The following OSBPL11 variants were observed in gnomAD, a reference collection of about 807,000 sequenced individuals.
OSBPL11 encodes oxysterol binding protein like 11.
Under a neutral mutation model 84.4 loss-of-function variants are expected in OSBPL11, and 33 were observed. That is an observed-to-expected ratio of 0.39 (90% confidence interval 0.30 to 0.52). The LOEUF (loss-of-function observed/expected upper bound fraction) is 0.52. OSBPL11 is among the 20% of genes least tolerant of loss of function. OSBPL11 has a pLI of 0.72. For missense variants in OSBPL11, 736 were observed against 901.1 expected (o/e 0.82, Z 2.35); for synonymous variants, 276 against 310.2 (o/e 0.89, Z 1.16).
In OSBPL11 at chr3:125,560,494, T is replaced by C. The variant is rs1268103142; in HGVS notation, c.1040A>G (p.Asp347Gly). The C allele has an allele frequency of 4.4e-6, 7 of 1,584,124 alleles. No homozygotes were observed. Among genetic ancestry groups the C allele is most frequent in the Non-Finnish European group, 6.0e-6 (7 of 1,163,742 alleles). ...AREPEEINAD[D>G]EIEDTCDHKE... ...GTGGTCACATGTATCCTCTATCTCA[T>C]CATCTGCATTTATTTCTTCAGGCTC... The change falls in exon 8 of 13, where the codon GAT becomes GGT. Residue 347 changes from aspartate to glycine, a missense_variant. By Grantham distance (94) the Asp-to-Gly change is moderately conservative (BLOSUM62 -1). Transcript: ENST00000296220.
rs1271670889 is a variant in OSBPL11 at position 125,538,620 on chromosome 3, C to T, written c.1855G>A (p.Val619Ile). 2.5e-6 allele frequency: 4 copies of T among 1,608,798 alleles called. No homozygotes were observed. The highest frequency in any genetic ancestry group is 1.1e-5 in the South Asian group (1 of 90,100). ...ACAGTGTTGGTGATGTTGTGCTTTA[C>T]TTCAGCTGTAACCCTAGAAGCAGAC... ...GGKLHRVTAE[V>I]KHNITNTVVC... Residue 619 changes from valine to isoleucine, a missense_variant, in exon 11 of 13, where the codon GTA (valine) becomes ATA (isoleucine). Val to Ile is a conservative substitution (Grantham distance 29). This residue lies in a region of OSBPL11 where 579 missense variants were observed against 717.6 expected (regional missense o/e 0.81). Coordinates refer to ENST00000296220, the MANE Select transcript of OSBPL11 (RefSeq NM_022776.5).
rs142185245 is a variant in OSBPL11 at position 125,555,913 on chromosome 3, C to T, written c.1156-3234G>A. 7.9e-3 allele frequency among the ~76,000 whole-genome samples: 1,206 copies of T among 152,198 alleles called. 17 individuals are homozygous for T. Among genetic ancestry groups the T allele is most frequent in the African/African-American group, 0.027 (1,135 of 41,532 alleles). The stretch of plus-strand genomic sequence containing the variant: ...GGCCAGGCTGGTCTCAAACTCCTGG[C>T]CTCAAGTGATCTGCCTGCTTTGGCC... On this transcript the variant is annotated intron_variant, in intron 8 of 12. Transcript: ENST00000296220.
chr3:125,584,784 C>T (rs1278206808), intron 1 of OSBPL11, among the ~76,000 whole-genome samples: 2 of 152,254 alleles, frequency 1.3e-5, no homozygotes, highest in African/African-American at 4.8e-5. Flanking sequence ...AAACAAAATA[C>T]ATCATCTTTA....
intron 10 of OSBPL11, among the ~76,000 whole-genome samples, chr3:125,540,328 CAAAAAAAAAAA>C (rs201858368): frequency 5.9e-5 from 5 of 85,338 alleles, no homozygotes; most frequent in African/African-American, 1.1e-4. Flanking sequence ...GGCTCTGTCT[CAAAAAAAAAAA>C]AAAAAAAAAA....
At chr3:125,539,697 C>T (rs1935698170) in intron 10 of OSBPL11, among the ~76,000 whole-genome samples, 1 of 152,086 alleles carries the variant, frequency 6.6e-6, no homozygotes, top group South Asian at 2.1e-4. Flanking sequence ...GATCTGCGTG[C>T]CTCGGCCTCC....
chr3:125,538,525 A>G lies in OSBPL11; in HGVS notation c.1950T>C (p.Tyr650=). 1 of 1,614,190 alleles carries G rather than the reference A, an allele frequency of 6.2e-7. No homozygotes were observed. Among genetic ancestry groups the G allele is most frequent in the Non-Finnish European group, 8.5e-7 (1 of 1,180,026 alleles). Reference sequence around the variant, plus strand: ...TCACTGCCAATTTAGTCAAGTCCACATACTTTGTCTCTCCATTGCTATATG... The same window carrying G: ...TCACTGCCAATTTAGTCAAGTCCACGTACTTTGTCTCTCCATTGCTATATG... ...EFTYSNGETK[Y]VDLTKLAVTK... is the part of the protein sequence containing the mutation. Residue 650 remains tyrosine, a synonymous_variant, in exon 11 of 13, where the codon TAT becomes TAC. Coordinates refer to ENST00000296220, the MANE Select transcript of OSBPL11 (RefSeq NM_022776.5).
chr3:125,591,628 A>T (rs1305271397), intron 1 of OSBPL11, among the ~76,000 whole-genome samples: 1 of 152,230 alleles, frequency 6.6e-6, no homozygotes, highest in East Asian at 1.9e-4. Flanking sequence ...GTCTTAAGAA[A>T]GACTCAGAGC....
At position 125,576,979 on chromosome 3, in the gene OSBPL11, C is replaced by T. The variant is rs561099063; in HGVS notation, c.490-614G>A. 5.9e-5 allele frequency among the ~76,000 whole-genome samples: 9 copies of T among 152,248 alleles called. No homozygotes were observed. In the East Asian group the frequency reaches 7.7e-4, roughly 13 times the overall value. On this transcript the variant is annotated intron_variant, in intron 4 of 12. Coordinates refer to ENST00000296220, the MANE Select transcript of OSBPL11 (RefSeq NM_022776.5). ...GATTATAGGCATGAGCCACTGCGCC[C>T]GGCCTTAAACACCATGATTAACACA...
At chr3:125,579,174 G>A (rs1580060537) in intron 3 of OSBPL11, 135 bp from the exon 4 acceptor site, 1 of 520,668 alleles carries the variant, frequency 1.9e-6, no homozygotes, top group East Asian at 3.4e-5. Context: ...CCTGACTGGA[G>A]GGAGGCAGGA....
intron 7 of OSBPL11, among the ~76,000 whole-genome samples, chr3:125,562,710 T>C (rs887140248): frequency 6.6e-6 from 1 of 152,176 alleles, no homozygotes; most frequent in African/African-American, 2.4e-5. Context: ...GTAGATCACC[T>C]GAGGTCCAGA....
chr3:125,550,008 G>C (rs1935876786), intron 9 of OSBPL11, among the ~76,000 whole-genome samples: 1 of 152,064 alleles, frequency 6.6e-6, no homozygotes, highest in Non-Finnish European at 1.5e-5. Flanking sequence ...GTTGATCTAT[G>C]AAGTGCTTAA....
In OSBPL11 at chr3:125,572,013, G is replaced by A. The variant is rs539228841; in HGVS notation, c.666+4176C>T. On this transcript the variant is annotated intron_variant, in intron 5 of 12. Coordinates refer to ENST00000296220, the MANE Select transcript of OSBPL11 (RefSeq NM_022776.5). The stretch of plus-strand genomic sequence containing the variant: ...AGACACTCAATGCCAGCCCGTGAAA[G>A]CAGCCAGGAGGGAGGCTGTGCCCTG... 3.9e-5 allele frequency among the ~76,000 whole-genome samples: 6 copies of A among 152,378 alleles called. No homozygotes were observed. The South Asian group carries it at 1.0e-3, about 26-fold the overall frequency.
chr3:125,566,703 C>T (rs1032651130), intron 6 of OSBPL11, among the ~76,000 whole-genome samples: 1 of 151,728 alleles, frequency 6.6e-6, no homozygotes, highest in South Asian at 2.1e-4. Context: ...TTTTGTAGTC[C>T]CGTGCAATAA....
chr3:125,583,111 T>A, intron 1 of OSBPL11, 133 bp from the exon 2 acceptor site: 1 of 589,640 alleles, frequency 1.7e-6, no homozygotes, highest in South Asian at 2.5e-5. Context: ...AGAAGTAAAA[T>A]GTATAGGTCA....
At chr3:125,550,599 C>T (rs2107594595) in intron 9 of OSBPL11, among the ~76,000 whole-genome samples, 1 of 152,224 alleles carries the variant, frequency 6.6e-6, no homozygotes, top group Admixed American at 6.5e-5. Context: ...TGATGCCATG[C>T]TTACACTGTA....
intron 11 of OSBPL11, among the ~76,000 whole-genome samples, 171 bp from the exon 12 acceptor site, chr3:125,532,185 G>GTCCA (rs1257579751): frequency 1.3e-5 from 2 of 152,186 alleles, no homozygotes; most frequent in Non-Finnish European, 2.9e-5. Flanking sequence ...TGATGGTTAT[G>GTCCA]TCCAGGATGC....
At chr3:125,574,196 G>A (rs534466637) in intron 5 of OSBPL11, among the ~76,000 whole-genome samples, 65 of 151,484 alleles carry the variant, frequency 4.3e-4, no homozygotes, top group Non-Finnish European at 8.2e-4. Flanking sequence ...AGAACTTCTG[G>A]AATGATAGTG....
chr3:125,576,453 C>T (rs1936325370), intron 4 of OSBPL11, 88 bp from the exon 5 acceptor site: 3 of 991,120 alleles, frequency 3.0e-6, no homozygotes, highest in Admixed American at 3.7e-5. Flanking sequence ...AAGATTTACA[C>T]ATGAGCAGCG....
intron 8 of OSBPL11, among the ~76,000 whole-genome samples, chr3:125,557,799 T>C (rs995282245): frequency 5.6e-5 from 8 of 141,920 alleles, no homozygotes; most frequent in Admixed American, 2.1e-4. Context: ...TTCTTTTTTT[T>C]TTTTTTTTTT....
Sources: allele counts gnomAD v4.1 joint callset (sites outside exome capture counted in the v4.1 genomes callset), GRCh38; gene constraint gnomAD v4.1.1; regional missense constraint gnomAD v4.1.1; transcripts MANE v1.5; gene names NCBI Gene and HGNC (gene_info 2026-07-23, HGNC 2026-07-21).